Variants in SDCCAG8 observed in about 807,000 individuals in gnomAD.
The protein encoded by SDCCAG8 is serologically defined colon cancer antigen 8.
A neutral mutation model predicts 101.8 loss-of-function variants in SDCCAG8; 74 were observed. The ratio of observed to expected loss-of-function variants is 0.73; its 90% CI spans 0.60 to 0.88. The LOEUF (loss-of-function observed/expected upper bound fraction) is 0.88. SDCCAG8 is among the 40% of genes least tolerant of loss of function. The probability of loss-of-function intolerance (pLI) is 0.00; values close to 1 mark genes in which losing one functional copy is unlikely to be tolerated. For synonymous variants in SDCCAG8, 281 were observed against 292.9 expected (o/e 0.96, Z 0.41); for missense variants, 787 against 822.6 (o/e 0.96, Z 0.53).
intron 3 of SDCCAG8, among the ~76,000 whole-genome samples, chr1:243,271,715 T>C (rs1279548395): frequency 6.6e-6 from 1 of 152,062 alleles, no homozygotes; most frequent in African/African-American, 2.4e-5. Flanking sequence ...GCTAATTTTT[T>C]GTATTTTTAG....
At chr1:243,279,623 G>A (rs553721090) in intron 4 of SDCCAG8, among the ~76,000 whole-genome samples, 2 of 152,238 alleles carry the variant, frequency 1.3e-5, no homozygotes, top group East Asian at 1.9e-4. Flanking sequence ...GATGGCTGCC[G>A]CATTTTGTCA....
At chr1:243,308,311 A>G in intron 8 of SDCCAG8, 134 bp downstream of exon 8, 1 of 1,057,056 alleles carries the variant, frequency 9.5e-7, no homozygotes, top group Non-Finnish European at 1.4e-6. Context: ...TGGATTTTAA[A>G]AGGTTCCTTC....
chr1:243,354,345 C>G (rs958335364), intron 12 of SDCCAG8, among the ~76,000 whole-genome samples: 4 of 152,184 alleles, frequency 2.6e-5, no homozygotes, highest in Non-Finnish European at 1.5e-5. Context: ...AAACATGACA[C>G]TTTTGTTAAG....
chr1:243,285,961 C>G (rs1320702855), intron 4 of SDCCAG8, among the ~76,000 whole-genome samples: 5 of 152,162 alleles, frequency 3.3e-5, no homozygotes, highest in Non-Finnish European at 7.4e-5. Context: ...CTACTCCATT[C>G]TTTAAAATCT....
At chr1:243,259,671 G>GA (rs985001526) in intron 1 of SDCCAG8, among the ~76,000 whole-genome samples, 78 of 150,086 alleles carry the variant, frequency 5.2e-4, no homozygotes, top group African/African-American at 1.8e-3. Context: ...AATACAAAAT[G>GA]AGCCAGGCGT....
chr1:243,372,461 C>A (rs2077347839), intron 12 of SDCCAG8, among the ~76,000 whole-genome samples: 1 of 151,956 alleles, frequency 6.6e-6, no homozygotes, highest in Non-Finnish European at 1.5e-5. Context: ...GCAAATTTAT[C>A]CTTTTGAATT....
intron 15 of SDCCAG8, among the ~76,000 whole-genome samples, chr1:243,422,848 G>A (rs1000084532): frequency 2.0e-5 from 3 of 152,098 alleles, no homozygotes; most frequent in African/African-American, 7.2e-5. Context: ...AACATAACTG[G>A]TATATAAAAA....
At chr1:243,320,543 G>T (rs977482116) in intron 9 of SDCCAG8, among the ~76,000 whole-genome samples, 1 of 152,102 alleles carries the variant, frequency 6.6e-6, no homozygotes, top group African/African-American at 2.4e-5. Flanking sequence ...AAGGCAGGAG[G>T]GCTTAGGGGG....
chr1:243,274,283 A>T (rs2068337168), intron 3 of SDCCAG8, among the ~76,000 whole-genome samples: 1 of 152,228 alleles, frequency 6.6e-6, no homozygotes, highest in African/African-American at 2.4e-5. Context: ...AGATTCATTC[A>T]TCATGACCGA....
intron 9 of SDCCAG8, among the ~76,000 whole-genome samples, chr1:243,319,319 A>G (rs1280880638): frequency 6.6e-6 from 1 of 152,166 alleles, no homozygotes; most frequent in Admixed American, 6.5e-5. Context: ...TCCCTAATCA[A>G]TAAAATCTCT....
At chr1:243,407,328 C>T (rs1167060187) in intron 13 of SDCCAG8, among the ~76,000 whole-genome samples, 2 of 152,102 alleles carry the variant, frequency 1.3e-5, no homozygotes, top group Non-Finnish European at 2.9e-5. Flanking sequence ...CTCTTAATTC[C>T]CGAGTTTGAG....
Position 243,290,313 on chromosome 1 carries a change from T to G in SDCCAG8, c.547-2778T>G, listed in dbSNP as rs143755285. On this transcript the variant is annotated intron_variant, in intron 5 of 17. Transcript: ENST00000366541. Reference sequence around the variant, plus strand: ...ACATCTTGGTTAAGTAGCATTCAAGTTTTTTAAAACTATCTGTGAAAGAAC... The same window carrying G: ...ACATCTTGGTTAAGTAGCATTCAAGGTTTTTAAAACTATCTGTGAAAGAAC... 7.1e-4 allele frequency among the ~76,000 whole-genome samples: 108 copies of G among 151,974 alleles called. No individual in the cohort carries two copies. The East Asian group carries it at 0.019, about 27-fold the overall frequency.
At chr1:243,310,273 G>T (rs2072595506) in intron 8 of SDCCAG8, among the ~76,000 whole-genome samples, 1 of 151,968 alleles carries the variant, frequency 6.6e-6, no homozygotes, top group Non-Finnish European at 1.5e-5. Context: ...TATTAAACAT[G>T]TATTAACTAT....
chr1:243,422,705 C>T (rs2148032473), intron 15 of SDCCAG8, among the ~76,000 whole-genome samples: 2 of 152,170 alleles, frequency 1.3e-5, no homozygotes, highest in South Asian at 4.1e-4. Flanking sequence ...TTGGCCTCTG[C>T]TAATTGTTAC....
At chr1:243,289,288 A>G (rs994160731) in intron 5 of SDCCAG8, among the ~76,000 whole-genome samples, 3 of 152,104 alleles carry the variant, frequency 2.0e-5, no homozygotes, top group Non-Finnish European at 4.4e-5. Flanking sequence ...AAGCCAGTCT[A>G]ACCTTTTCAT....
At chr1:243,370,702 C>G (rs772218184) in intron 12 of SDCCAG8, among the ~76,000 whole-genome samples, 2 of 152,050 alleles carry the variant, frequency 1.3e-5, no homozygotes, top group Non-Finnish European at 2.9e-5. Flanking sequence ...GTTTTGAACA[C>G]TTGTTTTGGC....
chr1:243,489,263 A>C lies in SDCCAG8; in HGVS notation c.2112+123A>C, dbSNP rs1665784722. ...ATCGGTTAGCAGTAAGCTGGGAGGG[A>C]GGTCCCGAAGACTGTGCTGGGCACA... On this transcript the variant is annotated intron_variant, in intron 17 of 17. Transcript: ENST00000366541. The C allele has an allele frequency of 9.9e-6, 13 of 1,319,102 alleles. No homozygotes were observed. The South Asian group carries it at 1.8e-4, about 18-fold the overall frequency. 81.7% of individuals were successfully genotyped at this position (1,319,102 alleles called of 1,614,324 possible).
intron 13 of SDCCAG8, among the ~76,000 whole-genome samples, chr1:243,400,672 A>AT (rs1003538278): frequency 2.6e-5 from 4 of 152,142 alleles, no homozygotes; most frequent in Non-Finnish European, 5.9e-5. Context: ...TTTATTTTAA[A>AT]TTATGTGTTT....
chr1:243,303,810 C>T (rs191391635), intron 6 of SDCCAG8, among the ~76,000 whole-genome samples: 14 of 152,222 alleles, frequency 9.2e-5, no homozygotes, highest in Non-Finnish European at 1.9e-4. Context: ...CAGTGGCTCA[C>T]ACCTGTAACC....
Sources: gnomAD v4.1 joint callset for allele counts (sites outside exome capture counted in the v4.1 genomes callset) on GRCh38, gnomAD v4.1.1 for gene constraint, MANE v1.5 for transcripts, NCBI Gene and HGNC (gene_info 2026-07-23, HGNC 2026-07-21) for gene names.